KIF5B: variants seen among roughly 807,000 people sequenced by gnomAD.
The protein encoded by KIF5B is kinesin-1 heavy chain.
A neutral mutation model predicts 132.8 loss-of-function variants in KIF5B; 49 were observed. That is an observed-to-expected ratio of 0.37 (90% confidence interval 0.29 to 0.47). The LOEUF is 0.47. Ranked by LOEUF, KIF5B falls within the 20% of genes least tolerant of loss-of-function variation. The pLI is 1.00. For missense variants in KIF5B, 780 were observed against 1,144.0 expected (o/e 0.68, Z 4.59); for synonymous variants, 355 against 369.4 (o/e 0.96, Z 0.45).
intron 19 of KIF5B, among the ~76,000 whole-genome samples, chr10:32,020,500 A>C (rs1269912527): frequency 6.6e-6 from 1 of 152,136 alleles, no homozygotes; most frequent in African/African-American, 2.4e-5. Context: ...AGCTCACTTC[A>C]GCCTCAGATT....
rs1364971107 is a variant in KIF5B at position 32,018,128 on chromosome 10, C to T, written c.2468G>A (p.Gly823Glu). ...KSAEIDSDDT[G>E]GSAAQKQKIS... ...TTTTTGCTTCTGAGCAGCGCTGCCT[C>T]CGGTGTCATCAGAATCAATCTCAGC... The change falls in exon 23 of 26, where the codon GGA becomes GAA. Residue 823 changes from glycine (G) to glutamate (E), a missense_variant. Gly to Glu is a moderately conservative substitution (Grantham distance 98, BLOSUM62 -2). Transcript: ENST00000302418. The T allele has an allele frequency of 6.2e-7, 1 of 1,610,090 alleles. No individual in the cohort carries two copies. The highest frequency in any genetic ancestry group is 8.5e-7 in the Non-Finnish European group (1 of 1,177,764).
intron 13 of KIF5B, 66 bp from the exon 14 acceptor site, chr10:32,031,345 T>C: frequency 8.1e-7 from 1 of 1,234,864 alleles, no homozygotes; most frequent in Admixed American, 1.9e-5. Context: ...CCCATGAAGC[T>C]TCACCATTTG....
At position 32,055,964 on chromosome 10, in the gene KIF5B, G is replaced by C; in HGVS notation, c.10C>G (p.Leu4Val). Residue 4 changes from leucine (L) to valine (V), a missense_variant, in exon 1 of 26, where the codon CTG becomes GTG. Physicochemically the swap from Leu to Val is conservative, Grantham distance 32. Transcript: ENST00000302418. Reference protein sequence around the residue: MADLAECNIKVMCR... With the variant: MADVAECNIKVMCR... ...ATCACTTTGATGTTGCACTCGGCCA[G>C]GTCCGCCATCTTTCTCGCAGCCGGG... 6.2e-7 allele frequency: 1 copy of C among 1,607,034 alleles called. No individual in the cohort carries two copies. The highest frequency in any genetic ancestry group is 8.5e-7 in the Non-Finnish European group (1 of 1,179,832).
chr10:32,015,276 A>G (rs1449212806), intron 25 of KIF5B, among the ~76,000 whole-genome samples: 1 of 152,236 alleles, frequency 6.6e-6, no homozygotes, highest in Non-Finnish European at 1.5e-5. Flanking sequence ...CATTAGACAC[A>G]GTATCAAAAG....
chr10:32,035,617 T>C lies in KIF5B; in HGVS notation c.867A>G (p.Ser289=). 1.9e-6 allele frequency: 3 copies of C among 1,613,092 alleles called. No homozygotes were observed. Among genetic ancestry groups the C allele is most frequent in the Non-Finnish European group, 1.7e-6 (2 of 1,179,284 alleles). The change falls in exon 10 of 26, where the codon TCA becomes TCG. Residue 289 remains serine (S), a synonymous_variant. Transcript: ENST00000302418. ...DSKMTRILQD[S]LGGNCRTTIV... ...TAGTGGTTCTACAGTTGCCACCTAA[T>C]GAATCTTGAAGGATTCTTGTCATTT...
Position 32,022,241 on chromosome 10 carries a change from T to C in KIF5B, c.1931A>G (p.Lys644Arg), listed in dbSNP as rs1841274019. The C allele has an allele frequency of 1.2e-5, 19 of 1,608,978 alleles. No homozygotes were observed. Among genetic ancestry groups the C allele is most frequent in the Non-Finnish European group, 1.5e-5 (18 of 1,177,080 alleles). ...ATTTTGAAGGTATTCAGTCAATGACTTGATTTTGGCTTCATGCTTTTGGAA... is the reference window on the plus strand; with the variant it reads ...ATTTTGAAGGTATTCAGTCAATGACCTGATTTTGGCTTCATGCTTTTGGAA... Reference protein sequence around the residue: ...LRISQHEAKIKSLTEYLQNVE... With the variant: ...LRISQHEAKIRSLTEYLQNVE... Residue 644 changes from lysine to arginine, a missense_variant, in exon 17 of 26, where the codon AAG (lysine) becomes AGG (arginine). Transcript: ENST00000302418.
At chr10:32,034,251 ACAGGCGCTCAGCACCATGC>A (rs1841437002) in intron 11 of KIF5B, among the ~76,000 whole-genome samples, 1 of 151,826 alleles carries the variant, frequency 6.6e-6, no homozygotes, top group Non-Finnish European at 1.5e-5. Context: ...AGCTGGGATT[ACAGGCGCTCAGCACCATGC>A]CAGGCTAATT....
Position 32,055,981 on chromosome 10 carries a change from G to A in KIF5B, c.-8C>T, listed in dbSNP as rs1427679176. On this transcript the variant is annotated 5_prime_UTR_variant, in exon 1 of 26. Transcript: ENST00000302418. ...CTCGGCCAGGTCCGCCATCTTTCTC[G>A]CAGCCGGGGCCGGCGGCCGGGAGCC... 1 of 1,602,456 alleles carries A rather than the reference G, an allele frequency of 6.2e-7. No homozygotes were observed. Among genetic ancestry groups the A allele is most frequent in the Admixed American group, 1.7e-5 (1 of 60,004 alleles).
At chr10:32,011,548 G>A (rs930127277) in intron 25 of KIF5B, 32 bp from the exon 26 acceptor site, 2 of 152,176 alleles carry the variant, frequency 1.3e-5, no homozygotes, top group African/African-American at 2.4e-5. Flanking sequence ...GAGTAAATAT[G>A]TTTAGTTTTA....
intron 2 of KIF5B, among the ~76,000 whole-genome samples, chr10:32,043,048 C>CGCAACCTCGGCTCACT (rs572314011): frequency 1.3e-4 from 20 of 152,086 alleles, no homozygotes; most frequent in Admixed American, 3.3e-4. Context: ...AGTGCAGTGG[C>CGCAACCTCGGCTCACT]GCAACCTCGG....
chr10:32,040,481 C>A, intron 2 of KIF5B, 24 bp from the exon 3 acceptor site: 1 of 1,400,654 alleles, frequency 7.1e-7, no homozygotes, highest in South Asian at 1.2e-5. Flanking sequence ...TTTTATAGTT[C>A]AGGGGATTTT....
rs1252754532 is a variant in KIF5B, at chr10:32,035,760, G to A, written c.817-93C>T. ...AAAAGACAACTAACTTACACATACTGATTCAAACACATTGAATCTCAATCT... is the reference window on the plus strand; with the variant it reads ...AAAAGACAACTAACTTACACATACTAATTCAAACACATTGAATCTCAATCT... On this transcript the variant is annotated intron_variant, in intron 9 of 25. Coordinates refer to ENST00000302418, the MANE Select transcript of KIF5B (RefSeq NM_004521.3). 6 of 1,363,832 alleles carry A rather than the reference G, an allele frequency of 4.4e-6. No individual in the cohort carries two copies. In the East Asian group the frequency reaches 1.4e-4, roughly 32 times the overall value. The allele number at this position is 1,363,832 out of a possible 1,614,324, so 84.5% of individuals were successfully genotyped here.
chr10:32,039,394 G>T lies in KIF5B; in HGVS notation c.326C>A (p.Pro109Gln). 2 of 1,527,564 alleles carry T rather than the reference G, an allele frequency of 1.3e-6. No homozygotes were observed. The highest frequency in any genetic ancestry group is 1.8e-6 in the Non-Finnish European group (2 of 1,123,532). 94.6% of individuals were successfully genotyped at this position (1,527,564 alleles called of 1,614,324 possible). A position where few individuals can be genotyped will look rare whatever the true frequency, so the allele number is the denominator to read the frequency against. ...ATTAAAAATATCTTGCACTATTCTT[G>T]GAATAATTCCCATGCCTTCTGGATC... ...LHDPEGMGII[P>Q]RIVQDIFNYI... The change falls in exon 4 of 26, where the codon CCA becomes CAA. Residue 109 changes from proline to glutamine, a missense_variant. By Grantham distance (76) the Pro-to-Gln change is moderately conservative. Transcript: ENST00000302418.
chr10:32,051,946 T>C (rs1350536959), intron 1 of KIF5B, among the ~76,000 whole-genome samples: 1 of 152,212 alleles, frequency 6.6e-6, no homozygotes, highest in Admixed American at 6.5e-5. Flanking sequence ...TTTAATCCCA[T>C]GTGTCTTCAA....
intron 13 of KIF5B, among the ~76,000 whole-genome samples, chr10:32,032,270 T>G (rs538992171): frequency 6.6e-6 from 1 of 152,274 alleles, no homozygotes; most frequent in Admixed American, 6.5e-5. Context: ...AATAATGCTA[T>G]AGTTGAAATA....
rs754250682 is a variant in KIF5B at position 32,035,539 on chromosome 10, T to C, written c.945A>G (p.Thr315=). Residue 315 remains threonine (T), a synonymous_variant, in exon 10 of 26, where the codon ACA becomes ACG. Coordinates refer to ENST00000302418, the MANE Select transcript of KIF5B (RefSeq NM_004521.3). ...SSYNESETKS[T]LLFGQRAKTI... ...CAACAAACCTTTGGCCAAATAAGAG[T>C]GTAGATTTTGTTTCAGACTCATTGT... 2 of 1,612,176 alleles carry C rather than the reference T, an allele frequency of 1.2e-6. No individual in the cohort carries two copies. The highest frequency in any genetic ancestry group is 1.7e-6 in the Non-Finnish European group (2 of 1,179,352).
Position 32,052,607 on chromosome 10 carries a change from A to G in KIF5B, c.126+3241T>C, listed in dbSNP as rs1000532382. Among the ~76,000 whole-genome samples the G allele has an allele frequency of 2.0e-5, 3 of 152,208 alleles. No individual in the cohort carries two copies. In the East Asian group the frequency reaches 5.8e-4, roughly 29 times the overall value. ...ATTGATTTTTCTTCCTGGTGTTTTTAGCAAGCTCCTAATTTTTTCTACTGA... is the reference window on the plus strand; with the variant it reads ...ATTGATTTTTCTTCCTGGTGTTTTTGGCAAGCTCCTAATTTTTTCTACTGA... On this transcript the variant is annotated intron_variant, in intron 1 of 25. Coordinates refer to ENST00000302418, the MANE Select transcript of KIF5B (RefSeq NM_004521.3).
chr10:32,018,733 T>A (rs1344390075), intron 20 of KIF5B, among the ~76,000 whole-genome samples, 171 bp from the exon 21 acceptor site: 2 of 152,024 alleles, frequency 1.3e-5, no homozygotes, highest in African/African-American at 4.8e-5. Flanking sequence ...AAAAAAAATT[T>A]TTTTTTTTTT....
chr10:32,033,759 C>T (rs1472705046), intron 12 of KIF5B, 86 bp downstream of exon 12: 3 of 828,108 alleles, frequency 3.6e-6, no homozygotes, highest in Non-Finnish European at 5.8e-6. Flanking sequence ...GTGCCCACAG[C>T]ACTGAAATGA....
Sources: gnomAD v4.1 joint callset for allele counts (sites outside exome capture counted in the v4.1 genomes callset) on GRCh38, gnomAD v4.1.1 for gene constraint, MANE v1.5 for transcripts, NCBI Gene and HGNC (gene_info 2026-07-23, HGNC 2026-07-21) for gene names.